HOMER1: variants seen among roughly 807,000 people sequenced by gnomAD.
HOMER1 encodes the protein homer protein homolog 1.
In HOMER1, 3 loss-of-function variants were observed where a neutral mutation model predicts 48.9. That is an observed-to-expected ratio of 0.06 (90% CI 0.03 to 0.16). The LOEUF (loss-of-function observed/expected upper bound fraction) is 0.16. Ranked by LOEUF, HOMER1 falls within the 10% of genes least tolerant of loss-of-function variation. The pLI, the probability that HOMER1 is intolerant of heterozygous loss-of-function variation, is 1.00. For missense variants in HOMER1, 247 were observed against 411.4 expected, an observed-to-expected ratio of 0.60 and a Z score of 3.46; for synonymous variants, 134 against 146.4, an observed-to-expected ratio of 0.92 and a Z score of 0.61.
At position 79,498,274 on chromosome 5, in the gene HOMER1, C is replaced by T. The variant is rs184107291; in HGVS notation, c.5+14496G>A. On this transcript the variant is annotated intron_variant, in intron 1 of 8. Transcript: ENST00000334082. ...ATTAGCCGGGTGCGGTGGCACATGCCTGTATTCCCAGCTACTTGGGAGGCT... is the reference window on the plus strand; with the variant it reads ...ATTAGCCGGGTGCGGTGGCACATGCTTGTATTCCCAGCTACTTGGGAGGCT... Among the ~76,000 whole-genome samples the T allele has an allele frequency of 1.2e-4, 19 of 152,306 alleles. No individual in the cohort carries two copies. In the East Asian group the frequency reaches 3.7e-3, roughly 29 times the overall value.
At position 79,457,015 on chromosome 5, in the gene HOMER1, T is replaced by C; in HGVS notation, c.9A>G (p.Glu3=). 1.9e-6 allele frequency: 3 copies of C among 1,614,008 alleles called. No homozygotes were observed. Among genetic ancestry groups the C allele is most frequent in the African/African-American group, 1.3e-5 (1 of 75,028 alleles). The change falls in exon 2 of 9, where the codon GAA becomes GAG. Residue 3 remains glutamate, a synonymous_variant. Coordinates refer to ENST00000334082, the MANE Select transcript of HOMER1 (RefSeq NM_004272.5). MG[E]QPIFSTRAHV... ...GAGCTCGAGTGCTGAAGATAGGTTG[T>C]TCCCTGCAGGGCAGAAAAGAAAATG...
At chr5:79,382,434 C>G (rs1211172610) in intron 8 of HOMER1, among the ~76,000 whole-genome samples, 1 of 152,156 alleles carries the variant, frequency 6.6e-6, no homozygotes, top group African/African-American at 2.4e-5. Context: ...AAAGGACCCC[C>G]TTCAGACCAA....
At chr5:79,387,140 G>A (rs539928741) in intron 8 of HOMER1, among the ~76,000 whole-genome samples, 21 of 144,400 alleles carry the variant, frequency 1.5e-4, no homozygotes, top group South Asian at 4.5e-4. Context: ...AGACGTACAC[G>A]TTTCTTTCTT....
chr5:79,493,319 G>T (rs529437687), intron 1 of HOMER1, among the ~76,000 whole-genome samples: 3 of 152,254 alleles, frequency 2.0e-5, no homozygotes, highest in Non-Finnish European at 4.4e-5. Flanking sequence ...TCTAATCTCA[G>T]CTGGGACCTT....
intron 1 of HOMER1, among the ~76,000 whole-genome samples, chr5:79,480,927 G>A (rs761926117): frequency 6.6e-6 from 1 of 152,170 alleles, no homozygotes; most frequent in Admixed American, 6.5e-5. Context: ...AATGTGTGAT[G>A]TGTCATGAAA....
At chr5:79,467,053 G>A (rs1340689911) in intron 1 of HOMER1, among the ~76,000 whole-genome samples, 2 of 152,208 alleles carry the variant, frequency 1.3e-5, no homozygotes, top group East Asian at 1.9e-4. Flanking sequence ...GCCTCCCAAT[G>A]TGCTGGGATT....
intron 5 of HOMER1, among the ~76,000 whole-genome samples, chr5:79,409,898 G>A (rs982492817): frequency 6.6e-6 from 1 of 152,130 alleles, no homozygotes; most frequent in Non-Finnish European, 1.5e-5. Context: ...GGAGAAAGTG[G>A]AACCCTAGTA....
At chr5:79,460,693 C>T (rs562756043) in intron 1 of HOMER1, among the ~76,000 whole-genome samples, 10 of 152,102 alleles carry the variant, frequency 6.6e-5, no homozygotes, top group Non-Finnish European at 1.5e-4. Flanking sequence ...TGTCTGGACA[C>T]AGTTTTGGCT....
intron 5 of HOMER1, among the ~76,000 whole-genome samples, chr5:79,410,764 T>G (rs188257173): frequency 9.2e-5 from 14 of 152,188 alleles, no homozygotes; most frequent in Non-Finnish European, 1.6e-4. Context: ...CCATTAGACT[T>G]ACATTTAGCA....
intron 1 of HOMER1, among the ~76,000 whole-genome samples, chr5:79,469,728 G>C (rs1284231792): frequency 6.6e-6 from 1 of 151,876 alleles, no homozygotes; most frequent in Non-Finnish European, 1.5e-5. Flanking sequence ...GAACTCCTGG[G>C]CTCAAGGGAT....
In HOMER1 at chr5:79,386,886, C is replaced by T. The variant is rs527319657; in HGVS notation, c.876+9937G>A. ...TAACAATTATGAATACCACCACTGG[C>T]ACCAGATCAGCTTAATTTCCTTCCT... is the stretch of plus-strand genomic sequence containing the variant. On this transcript the variant is annotated intron_variant, in intron 8 of 8. Coordinates refer to ENST00000334082, the MANE Select transcript of HOMER1 (RefSeq NM_004272.5). Among the ~76,000 whole-genome samples the T allele has an allele frequency of 5.3e-5, 8 of 152,034 alleles. No individual in the cohort carries two copies. In the South Asian group the frequency reaches 1.0e-3, roughly 20 times the overall value.
intron 8 of HOMER1, among the ~76,000 whole-genome samples, chr5:79,390,187 G>C (rs189804466): frequency 7.2e-5 from 11 of 152,240 alleles, no homozygotes; most frequent in Admixed American, 7.2e-4. Context: ...TCGGGAGGCT[G>C]AGTAGGGAGA....
chr5:79,495,769 G>C (rs1343256974), intron 1 of HOMER1, among the ~76,000 whole-genome samples: 1 of 152,080 alleles, frequency 6.6e-6, no homozygotes, highest in East Asian at 1.9e-4. Flanking sequence ...TTGGTTACAG[G>C]GAGAGATTTT....
At position 79,373,938 on chromosome 5, in the gene HOMER1, GT is replaced by G. The variant is rs1561337945; in HGVS notation, c.*2070del. 6.6e-6 allele frequency: 1 copy of G among 151,882 alleles called. No homozygotes were observed. The highest frequency in any genetic ancestry group is 2.4e-5 in the African/African-American group (1 of 41,396). 9.4% of individuals were successfully genotyped at this position (151,882 alleles called of 1,614,324 possible). On this transcript the variant is annotated 3_prime_UTR_variant, in exon 9 of 9. Coordinates refer to ENST00000334082, the MANE Select transcript of HOMER1 (RefSeq NM_004272.5). ...AATTCAAATGGAGACATTTTGGTGA[GT>G]TTTTTCATTAAATGATCACTATGTC...
chr5:79,434,457 G>A (rs963758495), intron 5 of HOMER1, among the ~76,000 whole-genome samples: 25 of 152,012 alleles, frequency 1.6e-4, no homozygotes, highest in African/African-American at 6.0e-4. Context: ...CAGCCTATTA[G>A]TATATAGCTA....
intron 1 of HOMER1, among the ~76,000 whole-genome samples, chr5:79,462,301 T>C (rs1259604876): frequency 1.3e-5 from 2 of 152,216 alleles, no homozygotes; most frequent in Admixed American, 1.3e-4. Context: ...GAACAGTAAG[T>C]AATTCAAACT....
Position 79,477,998 on chromosome 5 carries a change from GTTA to G in HOMER1, c.6-20983_6-20981del, listed in dbSNP as rs574853426. 2.4e-3 allele frequency among the ~76,000 whole-genome samples: 362 copies of G among 152,208 alleles called. 1 individual carries two copies. Among genetic ancestry groups the G allele is most frequent in the African/African-American group, 8.4e-3 (349 of 41,520 alleles). ...AAAAATGTCTGCATTGGTACAATAAGTTATTATTTTCAGTTTTGCACGGACTAT... is the reference window on the plus strand; with the variant it reads ...AAAAATGTCTGCATTGGTACAATAAGTTATTTTCAGTTTTGCACGGACTAT... On this transcript the variant is annotated intron_variant, in intron 1 of 8. Transcript: ENST00000334082.
intron 1 of HOMER1, among the ~76,000 whole-genome samples, chr5:79,461,219 T>C (rs767890940): frequency 6.6e-5 from 10 of 152,240 alleles, no homozygotes; most frequent in African/African-American, 2.2e-4. Context: ...GAGATTTACA[T>C]ATAACTGAAC....
intron 8 of HOMER1, among the ~76,000 whole-genome samples, chr5:79,380,101 G>T (rs556916772): frequency 7.9e-4 from 121 of 152,256 alleles, no homozygotes; most frequent in African/African-American, 2.8e-3. Flanking sequence ...AGTCGGCTTG[G>T]CCAGGATTGG....
Sources: allele counts gnomAD v4.1 joint callset (sites outside exome capture counted in the v4.1 genomes callset), GRCh38; gene constraint gnomAD v4.1.1; transcripts MANE v1.5; gene names NCBI Gene and HGNC (gene_info 2026-07-23, HGNC 2026-07-21).